Variants in CDH13 observed in about 807,000 individuals in gnomAD.
The protein encoded by CDH13 is cadherin 13, also known as cadherin-13.
In CDH13, 24 loss-of-function variants were observed where a neutral mutation model predicts 63.8. That is an observed-to-expected ratio of 0.38 (90% CI 0.27 to 0.53). The LOEUF is 0.53. Ranked by LOEUF, CDH13 falls within the 20% of genes least tolerant of loss-of-function variation. The pLI, the probability that CDH13 is intolerant of heterozygous loss-of-function variation, is 0.85. For synonymous variants in CDH13, 503 were observed against 355.3 expected, an observed-to-expected ratio of 1.42 and a Z score of -4.67; for missense variants, 1,049 against 903.1, an observed-to-expected ratio of 1.16 and a Z score of -2.07.
intron 8 of CDH13, among the ~76,000 whole-genome samples, chr16:83,630,546 G>A (rs1024500949): frequency 6.6e-6 from 1 of 152,182 alleles, no homozygotes; most frequent in Non-Finnish European, 1.5e-5. Flanking sequence ...TTGAGTCCTT[G>A]ATCAAAGACG....
chr16:83,029,394 G>A (rs1358991052), intron 2 of CDH13, among the ~76,000 whole-genome samples: 1 of 152,156 alleles, frequency 6.6e-6, no homozygotes, highest in Non-Finnish European at 1.5e-5. Flanking sequence ...GAGCCCCAAA[G>A]TGGAAATAGT....
At chr16:83,481,537 G>C (rs1242123767) in intron 6 of CDH13, among the ~76,000 whole-genome samples, 2 of 152,198 alleles carry the variant, frequency 1.3e-5, no homozygotes, top group Non-Finnish European at 2.9e-5. Flanking sequence ...GCTTTAATGA[G>C]AGAGCTGCAG....
chr16:83,145,095 T>A (rs1471308063), intron 4 of CDH13, among the ~76,000 whole-genome samples: 2 of 152,198 alleles, frequency 1.3e-5, no homozygotes, highest in Non-Finnish European at 2.9e-5. Context: ...TCTCCATCCA[T>A]ATGCTGCTCC....
intron 2 of CDH13, among the ~76,000 whole-genome samples, chr16:82,948,224 C>G (rs1034709817): frequency 2.6e-5 from 4 of 152,136 alleles, no homozygotes; most frequent in African/African-American, 9.7e-5. Flanking sequence ...TCCCCCAAAT[C>G]TGCTTTCTAA....
intron 1 of CDH13, among the ~76,000 whole-genome samples, chr16:82,800,480 GA>G (rs2036796868): frequency 6.6e-6 from 1 of 152,124 alleles, no homozygotes; most frequent in Non-Finnish European, 1.5e-5. Context: ...GTGAGTCTTA[GA>G]AGGCCCGTTA....
At chr16:82,724,494 A>T (rs1428707769) in intron 1 of CDH13, among the ~76,000 whole-genome samples, 1 of 152,144 alleles carries the variant, frequency 6.6e-6, no homozygotes, top group African/African-American at 2.4e-5. Flanking sequence ...GTATGATCCC[A>T]TATATGTTTT....
chr16:83,318,006 C>T (rs1194984822), intron 5 of CDH13, among the ~76,000 whole-genome samples: 1 of 152,052 alleles, frequency 6.6e-6, no homozygotes, highest in Non-Finnish European at 1.5e-5. Context: ...TAGAGTTTAG[C>T]CAAAGGAAAA....
At chr16:83,784,230 G>T (rs957931267) in intron 13 of CDH13, among the ~76,000 whole-genome samples, 7 of 152,272 alleles carry the variant, frequency 4.6e-5, no homozygotes, top group Admixed American at 2.6e-4. Context: ...GAAAACAGAA[G>T]GTTTTTTATC....
In CDH13 at chr16:83,456,157, G is replaced by A. The variant is rs142063046; in HGVS notation, c.782-30320G>A. ...GAGTCACCTGTGTGCCAGGCACCAC[G>A]AGCCTCCCACTGTTGATAGAACAGC... On this transcript the variant is annotated intron_variant, in intron 6 of 13. Transcript: ENST00000567109. Among the ~76,000 whole-genome samples, 1,101 of 152,322 alleles carry A rather than the reference G, an allele frequency of 7.2e-3. 15 individuals carry two copies. The highest frequency in any genetic ancestry group is 0.025 in the African/African-American group (1,030 of 41,564).
intron 1 of CDH13, among the ~76,000 whole-genome samples, chr16:82,684,466 A>G (rs1914863362): frequency 6.6e-6 from 1 of 152,168 alleles, no homozygotes; most frequent in Non-Finnish European, 1.5e-5. Context: ...TCAGGAAAGT[A>G]TGCTGTAGTC....
chr16:83,636,098 TAA>T (rs56081056), intron 8 of CDH13, among the ~76,000 whole-genome samples: 1,597 of 147,442 alleles, frequency 0.011, 66 homozygotes, highest in Admixed American at 0.072. Context: ...TCCCCTTGAT[TAA>T]AAAAAAAAAA....
chr16:82,899,363 A>G (rs759945673), intron 2 of CDH13, among the ~76,000 whole-genome samples: 1 of 152,244 alleles, frequency 6.6e-6, no homozygotes, highest in African/African-American at 2.4e-5. Flanking sequence ...TCTTAACAAT[A>G]CAATACATCA....
chr16:82,936,358 A>G (rs2042667400), intron 2 of CDH13, among the ~76,000 whole-genome samples: 1 of 152,088 alleles, frequency 6.6e-6, no homozygotes, highest in South Asian at 2.1e-4. Context: ...AGGAACGTGA[A>G]CCCTATTGTG....
chr16:82,843,883 A>G (rs1314446037), intron 1 of CDH13, among the ~76,000 whole-genome samples: 1 of 152,234 alleles, frequency 6.6e-6, no homozygotes, highest in African/African-American at 2.4e-5. Context: ...ACTATGCACC[A>G]TCAGTGAGGT....
At chr16:83,488,779 C>A (rs529490746) in intron 7 of CDH13, among the ~76,000 whole-genome samples, 6 of 152,180 alleles carry the variant, frequency 3.9e-5, no homozygotes, top group Non-Finnish European at 7.4e-5. Context: ...CGCCTGCCAC[C>A]ACACCTGGCT....
At chr16:83,075,423 C>T (rs1275424021) in intron 3 of CDH13, among the ~76,000 whole-genome samples, 5 of 152,214 alleles carry the variant, frequency 3.3e-5, no homozygotes, top group Admixed American at 1.3e-4. Flanking sequence ...CTTTCCCAGT[C>T]ATTTTCCTGT....
intron 5 of CDH13, among the ~76,000 whole-genome samples, chr16:83,305,610 A>G (rs2089856479): frequency 1.3e-5 from 2 of 152,132 alleles, no homozygotes; most frequent in Non-Finnish European, 2.9e-5. Context: ...AGCAGCTATA[A>G]CCTTGATGCA....
At chr16:83,789,834 A>C (rs1437218237) in intron 13 of CDH13, 1 of 152,092 alleles carries the variant, frequency 6.6e-6, no homozygotes, top group Non-Finnish European at 1.5e-5. Flanking sequence ...ATTGGAACAC[A>C]GCCGCGCCTA....
At chr16:82,716,372 A>C (rs908497737) in intron 1 of CDH13, among the ~76,000 whole-genome samples, 3 of 152,192 alleles carry the variant, frequency 2.0e-5, no homozygotes, top group African/African-American at 7.2e-5. Context: ...ACATGGATCC[A>C]AATTAGAGAT....
Sources: allele counts gnomAD v4.1 joint callset (sites outside exome capture counted in the v4.1 genomes callset), GRCh38; gene constraint gnomAD v4.1.1; transcripts MANE v1.5; gene names NCBI Gene and HGNC (gene_info 2026-07-23, HGNC 2026-07-21).